SCEL: variants seen among roughly 807,000 people sequenced by gnomAD.
SCEL encodes sciellin.
A neutral mutation model predicts 117.6 loss-of-function variants in SCEL; 113 were observed. The observed-to-expected ratio is 0.96, with a 90% CI of 0.83 to 1.12. The LOEUF is 1.12. Among genes scored for constraint, SCEL ranks in the 50% most tolerant of loss-of-function variants. The probability of loss-of-function intolerance (pLI) is 0.00; values close to 1 mark genes in which losing one functional copy is unlikely to be tolerated. For synonymous variants in SCEL, 270 were observed against 256.2 expected (o/e 1.05, Z -0.51); for missense variants, 785 against 810.8 (o/e 0.97, Z 0.39).
chr13:77,621,758 A>G (rs542099451), intron 27 of SCEL, among the ~76,000 whole-genome samples: 1 of 152,306 alleles, frequency 6.6e-6, no homozygotes, highest in South Asian at 2.1e-4. Context: ...TCCAGCTGTG[A>G]CATTCTGAGC....
chr13:77,570,719 C>G (rs536844140), intron 8 of SCEL, among the ~76,000 whole-genome samples: 2 of 152,288 alleles, frequency 1.3e-5, no homozygotes, highest in East Asian at 3.9e-4. Context: ...CAATTGCTAC[C>G]AACTAAAATT....
At chr13:77,551,831 C>A (rs1202184919) in intron 1 of SCEL, among the ~76,000 whole-genome samples, 1 of 144,890 alleles carries the variant, frequency 6.9e-6, no homozygotes, top group Non-Finnish European at 1.5e-5. Flanking sequence ...TCTCCTAAAG[C>A]TATCCCTCCC....
chr13:77,615,555 A>G (rs2088960914), intron 24 of SCEL, among the ~76,000 whole-genome samples: 1 of 152,152 alleles, frequency 6.6e-6, no homozygotes. Context: ...TGAAAGTAAT[A>G]ATAACCTAAA....
At chr13:77,609,991 CACTTGAA>C in intron 21 of SCEL, 49 bp from the exon 22 acceptor site, 1 of 1,093,082 alleles carries the variant, frequency 9.1e-7, no homozygotes. Context: ...TTTTAACAAA[CACTTGAA>C]ACCATTCGAT....
intron 20 of SCEL, among the ~76,000 whole-genome samples, chr13:77,608,514 C>T (rs1279868487): frequency 1.3e-5 from 2 of 152,218 alleles, no homozygotes; most frequent in East Asian, 1.9e-4. Context: ...ACAGGAGAAT[C>T]GTTTGAACCC....
At chr13:77,629,550 A>G (rs1594174881) in intron 28 of SCEL, among the ~76,000 whole-genome samples, 1 of 152,212 alleles carries the variant, frequency 6.6e-6, no homozygotes, top group East Asian at 1.9e-4. Flanking sequence ...TTGGATGCCC[A>G]AGCAAATACA....
intron 12 of SCEL, chr13:77,596,918 G>A (rs1349804592): frequency 6.6e-6 from 1 of 152,186 alleles, no homozygotes; most frequent in African/African-American, 2.4e-5. Flanking sequence ...TGCTCCTGAA[G>A]CAGCAGCCAG....
chr13:77,617,974 T>C (rs762862093), intron 26 of SCEL, 30 bp from the exon 27 acceptor site: 2 of 1,608,880 alleles, frequency 1.2e-6, no homozygotes, highest in South Asian at 1.1e-5. Context: ...ATTACCAATC[T>C]GAACTTTTTT....
chr13:77,593,638 C>T, intron 12 of SCEL, 65 bp downstream of exon 12: 1 of 1,204,264 alleles, frequency 8.3e-7, no homozygotes, highest in South Asian at 1.3e-5. Context: ...TGCTTAACCA[C>T]ACCTTTAAAA....
At chr13:77,622,540 A>G (rs2089480998) in intron 27 of SCEL, among the ~76,000 whole-genome samples, 1 of 152,118 alleles carries the variant, frequency 6.6e-6, no homozygotes, top group South Asian at 2.1e-4. Context: ...CTCATAGATA[A>G]CTCACATTTC....
intron 13 of SCEL, among the ~76,000 whole-genome samples, chr13:77,598,882 A>G (rs567246046): frequency 4.3e-4 from 66 of 152,200 alleles, no homozygotes; most frequent in Middle Eastern, 3.4e-3. Flanking sequence ...GGGTCAGACC[A>G]TGTTGCCCAG....
At chr13:77,611,377 G>A (rs1333417609) in intron 22 of SCEL, among the ~76,000 whole-genome samples, 1 of 152,202 alleles carries the variant, frequency 6.6e-6, no homozygotes, top group Admixed American at 6.5e-5. Flanking sequence ...AAATCTGACT[G>A]TAGTTGAAGT....
chr13:77,603,025 T>C, intron 17 of SCEL, 51 bp from the exon 18 acceptor site: 1 of 1,009,724 alleles, frequency 9.9e-7, no homozygotes, highest in Non-Finnish European at 1.5e-6. Context: ...GATGTATGTG[T>C]CTAATATTAT....
In SCEL at chr13:77,644,428, GTCTT is replaced by G; in HGVS notation, c.*155_*158del. Reference sequence around the variant, plus strand: ...CTGTTATTGCATAAGTAATCTAATTGTCTTCAATAAGGTCACACACATAAAAAGA... The same window carrying G: ...CTGTTATTGCATAAGTAATCTAATTGCAATAAGGTCACACACATAAAAAGA... On this transcript the variant is annotated 3_prime_UTR_variant, in exon 33 of 33. Coordinates refer to ENST00000349847, the MANE Select transcript of SCEL (RefSeq NM_144777.3). 1.4e-6 allele frequency: 1 copy of G among 726,544 alleles called. No homozygotes were observed. The highest frequency in any genetic ancestry group is 2.3e-6 in the Non-Finnish European group (1 of 444,058). 45.0% of individuals were successfully genotyped at this position (726,544 alleles called of 1,614,324 possible).
intron 27 of SCEL, among the ~76,000 whole-genome samples, chr13:77,621,257 T>C (rs1158113550): frequency 2.6e-5 from 4 of 152,112 alleles, no homozygotes; most frequent in African/African-American, 9.7e-5. Context: ...ATGGCCATGC[T>C]CCTCCTTAAC....
intron 1 of SCEL, among the ~76,000 whole-genome samples, chr13:77,550,272 G>A (rs1593889232): frequency 1.3e-5 from 2 of 151,672 alleles, no homozygotes; most frequent in Non-Finnish European, 2.9e-5. Context: ...TGTAGTCCAA[G>A]CTACTCAGGA....
chr13:77,574,422 T>A (rs916630991), intron 9 of SCEL, among the ~76,000 whole-genome samples: 2 of 152,214 alleles, frequency 1.3e-5, no homozygotes, highest in East Asian at 1.9e-4. Context: ...AGTTTATATA[T>A]CCATTCCATT....
intron 28 of SCEL, among the ~76,000 whole-genome samples, chr13:77,629,939 T>G (rs189098344): frequency 6.6e-6 from 1 of 152,218 alleles, no homozygotes; most frequent in African/African-American, 2.4e-5. Flanking sequence ...GGGGGTCTTA[T>G]GACCTACAGT....
intron 4 of SCEL, 23 bp downstream of exon 4, chr13:77,559,886 T>A (rs1369594207): frequency 6.3e-7 from 1 of 1,597,290 alleles, no homozygotes; most frequent in Non-Finnish European, 8.6e-7. Context: ...ACATGTTACA[T>A]CATGAGCAGA....
Sources: gnomAD v4.1 joint callset for allele counts (sites outside exome capture counted in the v4.1 genomes callset) on GRCh38, gnomAD v4.1.1 for gene constraint, MANE v1.5 for transcripts, NCBI Gene and HGNC (gene_info 2026-07-23, HGNC 2026-07-21) for gene names.